POLA1: variants seen among roughly 807,000 people sequenced by gnomAD.
The protein encoded by POLA1 is DNA polymerase alpha 1, catalytic subunit, also known as DNA polymerase alpha catalytic subunit.
POLA1 carries 15 observed loss-of-function variants against 124.0 expected under a neutral mutation model. That is an observed-to-expected ratio of 0.12 (90% CI 0.08 to 0.19). POLA1 has a LOEUF of 0.19. POLA1 is among the 10% of genes least tolerant of loss of function. POLA1 has a pLI of 1.00. For synonymous variants in POLA1, 408 were observed against 389.4 expected, an observed-to-expected ratio of 1.05 and a Z score of -0.56; for missense variants, 886 against 1,103.4, an observed-to-expected ratio of 0.80 and a Z score of 2.79.
intron 35 of POLA1, among the ~76,000 whole-genome samples, chrX:24,900,747 T>C (rs186602364): frequency 8.9e-6 from 1 of 111,856 alleles, no homozygotes; most frequent in East Asian, 2.8e-4. Context: ...AGCTTGTTTA[T>C]TGGCAGTCCT....
intron 26 of POLA1, among the ~76,000 whole-genome samples, chrX:24,752,516 G>T (rs111907196): frequency 8.9e-6 from 1 of 112,070 alleles, no homozygotes; most frequent in African/African-American, 3.2e-5. Context: ...CAAGCCTATG[G>T]CACTGAGTGG....
chrX:24,948,194 G>A (rs1013035438), intron 36 of POLA1, among the ~76,000 whole-genome samples: 13 of 111,464 alleles, frequency 1.2e-4, no homozygotes, highest in Non-Finnish European at 2.3e-4. Flanking sequence ...CAATTCTTCC[G>A]ACTGATGAAT....
At chrX:24,926,269 T>C (rs905660685) in intron 35 of POLA1, among the ~76,000 whole-genome samples, 2 of 110,600 alleles carry the variant, frequency 1.8e-5, no homozygotes, top group Admixed American at 1.9e-4. Context: ...TACGACTGCA[T>C]GCACATAAAG....
At chrX:24,972,814 G>C (rs2048319313) in intron 36 of POLA1, among the ~76,000 whole-genome samples, 1 of 112,441 alleles carries the variant, frequency 8.9e-6, no homozygotes, top group African/African-American at 3.2e-5. Context: ...GAGAAGCTAA[G>C]GAATCTGTAA....
chrX:24,822,611 C>T (rs915914219), intron 31 of POLA1, among the ~76,000 whole-genome samples: 1 of 112,191 alleles, frequency 8.9e-6, no homozygotes, highest in African/African-American at 3.2e-5. Flanking sequence ...GCACTTGACT[C>T]TGTCTCCCCC....
intron 35 of POLA1, among the ~76,000 whole-genome samples, chrX:24,894,128 T>C (rs779055333): frequency 1.1e-4 from 12 of 112,029 alleles, no homozygotes; most frequent in Non-Finnish European, 2.1e-4. Context: ...GTAAAGACTT[T>C]GTGTCTTGAT....
chrX:24,953,292 TAA>T (rs887793998), intron 36 of POLA1, among the ~76,000 whole-genome samples: 2 of 112,319 alleles, frequency 1.8e-5, no homozygotes, highest in Non-Finnish European at 1.9e-5. Context: ...TTCTATGTTA[TAA>T]GTTTGTTTTT....
At chrX:24,729,666 CTTTA>C (rs1254174300) in intron 15 of POLA1, among the ~76,000 whole-genome samples, 1 of 111,195 alleles carries the variant, frequency 9.0e-6, no homozygotes, top group East Asian at 2.8e-4. Flanking sequence ...GTGACTGATG[CTTTA>C]TTTATTTATT....
At chrX:24,782,599 C>T (rs1050232707) in intron 26 of POLA1, among the ~76,000 whole-genome samples, 2 of 111,300 alleles carry the variant, frequency 1.8e-5, no homozygotes, top group African/African-American at 6.5e-5. Context: ...TGTGCAAGTG[C>T]GTTTTTACCC....
At chrX:24,928,753 C>T (rs2047730100) in intron 35 of POLA1, among the ~76,000 whole-genome samples, 1 of 112,059 alleles carries the variant, frequency 8.9e-6, no homozygotes, top group African/African-American at 3.2e-5. Context: ...ATAACTTAAT[C>T]GCTGTCGTCC....
At chrX:24,705,786 C>A (rs1341401750) in intron 4 of POLA1, among the ~76,000 whole-genome samples, 1 of 109,665 alleles carries the variant, frequency 9.1e-6, no homozygotes, top group Admixed American at 9.8e-5. Context: ...GTCCCACAAT[C>A]TGAGTTTTGC....
intron 7 of POLA1, among the ~76,000 whole-genome samples, chrX:24,716,671 G>A (rs1209483522): frequency 2.7e-5 from 3 of 111,700 alleles, no homozygotes. Flanking sequence ...TTTATTATAG[G>A]TATTACAACT....
At chrX:24,731,977 CAG>C (rs1335182575) in intron 15 of POLA1, among the ~76,000 whole-genome samples, 1 of 111,726 alleles carries the variant, frequency 9.0e-6, no homozygotes, top group Non-Finnish European at 1.9e-5. Context: ...TTTTTCGAGA[CAG>C]AGTCTCACTC....
In POLA1 at chrX:24,772,883, T is replaced by A. The variant is rs772918684; in HGVS notation, c.2964+23891T>A. 2.7e-5 allele frequency among the ~76,000 whole-genome samples: 3 copies of A among 112,215 alleles called. No homozygotes were observed. The South Asian group carries it at 1.1e-3, about 42-fold the overall frequency. Reference sequence around the variant, plus strand: ...GATATTATAAAGACATGCATGTGTCTGTTCATTGCAGCACTATTCACAATA... The same window carrying A: ...GATATTATAAAGACATGCATGTGTCAGTTCATTGCAGCACTATTCACAATA... On this transcript the variant is annotated intron_variant, in intron 26 of 36. Transcript: ENST00000379068.
rs1930310481 is a variant in POLA1 at position 24,723,199 on chromosome X, A to G, written c.1132A>G (p.Thr378Ala). ...FGKVWIESAE[T>A]HVSCCVMVKN... is the part of the protein sequence containing the mutation. Reference sequence around the variant, plus strand: ...GAAAGTTTGGATTGAATCAGCCGAGACCCATGTGAGCTGTTGTGTCATGGT... The same window carrying G: ...GAAAGTTTGGATTGAATCAGCCGAGGCCCATGTGAGCTGTTGTGTCATGGT... Residue 378 changes from threonine to alanine, a missense_variant, in exon 11 of 37, where the codon ACC (threonine) becomes GCC (alanine). Transcript: ENST00000379068. 8.3e-7 allele frequency: 1 copy of G among 1,208,845 alleles called. No individual in the cohort carries two copies.
chrX:24,957,161 A>G (rs765720517), intron 36 of POLA1, among the ~76,000 whole-genome samples: 12 of 111,915 alleles, frequency 1.1e-4, no homozygotes, highest in Non-Finnish European at 2.1e-4. Flanking sequence ...CACAAACTCA[A>G]ATGCCTTTAG....
chrX:24,773,144 G>A (rs2045072292), intron 26 of POLA1, among the ~76,000 whole-genome samples: 1 of 112,156 alleles, frequency 8.9e-6, no homozygotes, highest in African/African-American at 3.2e-5. Flanking sequence ...ATATAATTTG[G>A]TTTTATCGAA....
intron 26 of POLA1, among the ~76,000 whole-genome samples, chrX:24,805,021 A>G (rs1205550946): frequency 4.5e-5 from 5 of 111,484 alleles, no homozygotes; most frequent in Non-Finnish European, 7.5e-5. Flanking sequence ...AATTTTTGAT[A>G]CACATCTAAA....
chrX:24,910,878 C>T (rs1315132165), intron 35 of POLA1, among the ~76,000 whole-genome samples: 1 of 111,978 alleles, frequency 8.9e-6, no homozygotes, highest in African/African-American at 3.2e-5. Flanking sequence ...GAAGAACTGA[C>T]AATCTGATTA....
Sources: allele counts gnomAD v4.1 joint callset (sites outside exome capture counted in the v4.1 genomes callset), GRCh38; gene constraint gnomAD v4.1.1; transcripts MANE v1.5; gene names NCBI Gene and HGNC (gene_info 2026-07-23, HGNC 2026-07-21).